Variants in PRPF39 observed in about 807,000 individuals in gnomAD.
The protein encoded by PRPF39 is pre-mRNA processing factor 39, also known as pre-mRNA-processing factor 39.
A neutral mutation model predicts 82.1 loss-of-function variants in PRPF39; 27 were observed. That is an observed-to-expected ratio of 0.33 (90% CI 0.24 to 0.45). PRPF39 has a LOEUF of 0.45. Ranked by LOEUF, PRPF39 falls within the 20% of genes least tolerant of loss-of-function variation. The probability of loss-of-function intolerance (pLI) is 1.00; values close to 1 mark genes in which losing one functional copy is unlikely to be tolerated. For synonymous variants in PRPF39, 261 were observed against 256.4 expected, an observed-to-expected ratio of 1.02 and a Z score of -0.17; for missense variants, 581 against 796.9, an observed-to-expected ratio of 0.73 and a Z score of 3.26.
chr14:45,096,573 C>G (rs1304935254), intron 3 of PRPF39: 1 of 1,436,152 alleles, frequency 7.0e-7, no homozygotes, highest in East Asian at 3.3e-5. Context: ...ACATTTGCTA[C>G]GTCTTATTGC....
chr14:45,115,265 A>T lies in PRPF39; in HGVS notation c.*352A>T, dbSNP rs185961899. 2 of 158,186 alleles carry T rather than the reference A, an allele frequency of 1.3e-5. No homozygotes were observed. Among genetic ancestry groups the T allele is most frequent in the South Asian group, 2.0e-4 (1 of 4,906 alleles). 9.8% of individuals were successfully genotyped at this position (158,186 alleles called of 1,614,324 possible). A position where few individuals can be genotyped will look rare whatever the true frequency, so the allele number is the denominator to read the frequency against. On this transcript the variant is annotated 3_prime_UTR_variant, in exon 14 of 14. Coordinates refer to ENST00000355765, the MANE Select transcript of PRPF39 (RefSeq NM_017922.4). The stretch of plus-strand genomic sequence containing the variant: ...GTCAGTGTAGTACAAAATTCTGAAA[A>T]CACATAAGGGCTGGTTATTTACCTC...
chr14:45,112,303 C>G lies in PRPF39; in HGVS notation c.1573-15C>G, dbSNP rs370058579. On this transcript the variant is annotated splice_polypyrimidine_tract_variant and intron_variant, in intron 10 of 13. Coordinates refer to ENST00000355765, the MANE Select transcript of PRPF39 (RefSeq NM_017922.4). ...AATATTTTAGAAATATTCATTGATG[C>G]TGCTTTTTACACAGGAGAACACAAA... is the stretch of plus-strand genomic sequence containing the variant. 6.5e-7 allele frequency: 1 copy of G among 1,539,146 alleles called. No homozygotes were observed. Among genetic ancestry groups the G allele is most frequent in the East Asian group, 2.4e-5 (1 of 41,810 alleles).
rs1175289904 is a variant in PRPF39 at position 45,084,127 on chromosome 14, C to G, written c.-142C>G. The G allele has an allele frequency of 6.5e-6, 1 of 153,370 alleles. No individual in the cohort carries two copies. Among genetic ancestry groups the G allele is most frequent in the Admixed American group, 6.5e-5 (1 of 15,298 alleles). The allele number at this position is 153,370 out of a possible 1,614,324, so 9.5% of individuals were successfully genotyped here. On this transcript the variant is annotated 5_prime_UTR_variant, in exon 1 of 14. Coordinates refer to ENST00000355765, the MANE Select transcript of PRPF39 (RefSeq NM_017922.4). Reference sequence around the variant, plus strand: ...GACGCATGCGCATCGTGCCCTGGACCAGGCGGCCGTGGCGCGGGTGGCGGC... The same window carrying G: ...GACGCATGCGCATCGTGCCCTGGACGAGGCGGCCGTGGCGCGGGTGGCGGC...
intron 1 of PRPF39, among the ~76,000 whole-genome samples, chr14:45,087,640 C>T (rs1029535730): frequency 6.6e-6 from 1 of 151,356 alleles, no homozygotes; most frequent in Non-Finnish European, 1.5e-5. Flanking sequence ...GTGGCGCTAT[C>T]TCGGCTCACT....
intron 1 of PRPF39, among the ~76,000 whole-genome samples, chr14:45,088,778 G>C (rs1594722472): frequency 6.6e-6 from 1 of 152,158 alleles, no homozygotes. Context: ...GAAATAATGA[G>C]TGTCTTTGTG....
intron 6 of PRPF39, among the ~76,000 whole-genome samples, chr14:45,108,136 C>CA (rs879271338): frequency 1.3e-5 from 2 of 150,804 alleles, no homozygotes; most frequent in African/African-American, 4.9e-5. Flanking sequence ...CAAGACACCC[C>CA]AAAAAAAACT....
chr14:45,096,008 T>C (rs1398380387), intron 2 of PRPF39, 95 bp from the exon 3 acceptor site: 12 of 1,160,576 alleles, frequency 1.0e-5, no homozygotes, highest in Non-Finnish European at 1.4e-5. Context: ...TGCCATTTAT[T>C]ATTATTTTTT....
intron 11 of PRPF39, 112 bp downstream of exon 11, chr14:45,112,614 CTTAGT>C (rs1884728540): frequency 1.8e-6 from 2 of 1,096,366 alleles, no homozygotes; most frequent in South Asian, 6.2e-5. Context: ...AAAATGTTCG[CTTAGT>C]TTACTTTTTC....
At position 45,110,427 on chromosome 14, in the gene PRPF39, C is replaced by A; in HGVS notation, c.1304-122C>A. ...CAGCCATAGGCAGTGTGTAAATATG[C>A]ATGGCTGTTTCCCATTATTAGTTGC... On this transcript the variant is annotated intron_variant, in intron 9 of 13. Coordinates refer to ENST00000355765, the MANE Select transcript of PRPF39 (RefSeq NM_017922.4). This position sits in a 1 kb window ranked among gnomAD's most constrained non-coding sequence, Gnocchi z 4.0. 1 of 1,214,838 alleles carries A rather than the reference C, an allele frequency of 8.2e-7. No homozygotes were observed. Among genetic ancestry groups the A allele is most frequent in the Non-Finnish European group, 1.1e-6 (1 of 879,092 alleles). 75.3% of individuals were successfully genotyped at this position (1,214,838 alleles called of 1,614,324 possible).
chr14:45,106,593 T>G (rs1884540733), intron 5 of PRPF39, among the ~76,000 whole-genome samples: 1 of 152,244 alleles, frequency 6.6e-6, no homozygotes, highest in Non-Finnish European at 1.5e-5. Context: ...AGCTTAAAAC[T>G]AATCCACATT....
At position 45,116,247 on chromosome 14, in the gene PRPF39, G is replaced by A; in HGVS notation, c.*1334G>A. On this transcript the variant is annotated 3_prime_UTR_variant, in exon 14 of 14. Transcript: ENST00000355765. ...TTCAAAAGTGAGTTTTGCATTTGGT[G>A]GAATTCTGTTGAAGAAGTCAAGGTA... 2 of 1,612,318 alleles carry A rather than the reference G, an allele frequency of 1.2e-6. No homozygotes were observed. The highest frequency in any genetic ancestry group is 1.7e-6 in the Non-Finnish European group (2 of 1,178,620).
In PRPF39 at chr14:45,087,144, G is replaced by C. The variant is rs180854150; in HGVS notation, c.-20+2895G>C. On this transcript the variant is annotated intron_variant, in intron 1 of 13. Coordinates refer to ENST00000355765, the MANE Select transcript of PRPF39 (RefSeq NM_017922.4). ...GTGTATTATTTCGCTCTGTCGCCCA[G>C]GTTGAAGTGCACTGACATGGTCAGC... Among the ~76,000 whole-genome samples, 173 of 152,228 alleles carry C rather than the reference G, an allele frequency of 1.1e-3. 1 individual carries two copies. Among genetic ancestry groups the C allele is most frequent in the African/African-American group, 4.0e-3 (167 of 41,540 alleles).
At chr14:45,085,242 G>C (rs1399378728) in intron 1 of PRPF39, among the ~76,000 whole-genome samples, 1 of 152,152 alleles carries the variant, frequency 6.6e-6, no homozygotes, top group African/African-American at 2.4e-5. Flanking sequence ...AGTTGCAAAA[G>C]TTGGAACTTT....
rs1884155561 is a variant in PRPF39, at chr14:45,095,092, TG to T, written c.-19-128del. On this transcript the variant is annotated intron_variant, in intron 1 of 13. Transcript: ENST00000355765. ...ACTAATGAACCTTCTGATTCTGACTTGTAGGGGATTAAGACTCACATTAATA... is the reference window on the plus strand; with the variant it reads ...ACTAATGAACCTTCTGATTCTGACTTTAGGGGATTAAGACTCACATTAATA... 1.4e-5 allele frequency: 7 copies of T among 517,626 alleles called. No homozygotes were observed. The South Asian group carries it at 2.7e-4, about 20-fold the overall frequency. The allele number at this position is 517,626 out of a possible 1,614,324, so 32.1% of individuals were successfully genotyped here.
intron 1 of PRPF39, among the ~76,000 whole-genome samples, chr14:45,087,740 ATT>A (rs35926249): frequency 3.3e-3 from 406 of 123,408 alleles, no homozygotes; most frequent in African/African-American, 8.7e-3. Flanking sequence ...TGCCCGGCTA[ATT>A]TTTTTTTTTT....
chr14:45,094,589 A>G (rs936362278), intron 1 of PRPF39, among the ~76,000 whole-genome samples: 2 of 152,178 alleles, frequency 1.3e-5, no homozygotes, highest in Admixed American at 6.5e-5. Flanking sequence ...TTTAAGTAAC[A>G]TTTATTCACT....
chr14:45,109,631 T>TTTC lies in PRPF39; in HGVS notation c.1028_1030dup (p.Phe343_His344insLeu). ...TTCATTTCAGATTAAAAGACCTTAC[T>TTTC]TTCATGTGAAACCTTTGGAAAAGGC... On this transcript the variant is annotated inframe_insertion, in exon 8 of 14. Transcript: ENST00000355765. The TTTC allele has an allele frequency of 6.2e-7, 1 of 1,603,340 alleles. No homozygotes were observed. The highest frequency in any genetic ancestry group is 8.5e-7 in the Non-Finnish European group (1 of 1,174,946).
Position 45,108,483 on chromosome 14 carries a change from T to C in PRPF39, c.972T>C (p.Asn324=), listed in dbSNP as rs746281419. Residue 324 remains asparagine, a synonymous_variant, in exon 7 of 14, where the codon AAT becomes AAC. Coordinates refer to ENST00000355765, the MANE Select transcript of PRPF39 (RefSeq NM_017922.4). ...TTCATCAAGAAATGTTTAATTATAA[T>C]GAGCATGAAGTTAGTAAAAGGTGGA... ...IEIHQEMFNY[N]EHEVSKRWTF... The C allele has an allele frequency of 5.6e-5, 89 of 1,602,920 alleles. No homozygotes were observed. Among genetic ancestry groups the C allele is most frequent in the Admixed American group, 8.8e-5 (5 of 56,714 alleles).
At chr14:45,102,876 A>G (rs547458409) in intron 5 of PRPF39, among the ~76,000 whole-genome samples, 180 bp downstream of exon 5, 3 of 152,338 alleles carry the variant, frequency 2.0e-5, no homozygotes, top group South Asian at 2.1e-4. Flanking sequence ...GCCTTATGAA[A>G]TGTTTAGAAA....
Sources: gnomAD v4.1 joint callset for allele counts (sites outside exome capture counted in the v4.1 genomes callset) on GRCh38, gnomAD v4.1.1 for gene constraint, Gnocchi (gnomAD v3.1) non-coding constraint, MANE v1.5 for transcripts, NCBI Gene and HGNC (gene_info 2026-07-23, HGNC 2026-07-21) for gene names.